CCDC88A: variants seen among roughly 807,000 people sequenced by gnomAD.
The protein encoded by CCDC88A is coiled-coil and HOOK domain protein 88A.
In CCDC88A, 54 loss-of-function variants were observed where a neutral mutation model predicts 234.3. That is an observed-to-expected ratio of 0.23 (90% CI 0.19 to 0.29). The LOEUF (loss-of-function observed/expected upper bound fraction) is 0.29, where lower values mean the gene tolerates loss of function less well. Ranked by LOEUF, CCDC88A falls within the 10% of genes least tolerant of loss-of-function variation. CCDC88A has a pLI of 1.00. For synonymous variants in CCDC88A, 753 were observed against 737.8 expected (o/e 1.02, Z -0.33); for missense variants, 1,832 against 2,123.4 (o/e 0.86, Z 2.70).
At position 55,291,718 on chromosome 2, in the gene CCDC88A, C is replaced by G; in HGVS notation, c.5609G>C (p.Ser1870Thr). The G allele has an allele frequency of 6.2e-7, 1 of 1,608,522 alleles. No individual in the cohort carries two copies. The highest frequency in any genetic ancestry group is 8.5e-7 in the Non-Finnish European group (1 of 1,175,914). ...NSKSRSREQQ[S>T]S ...ATGTAGTGGGTAATAGAATTAGGAGCTTTGTTGCTCCCTAGACCTGCTTTT... is the reference window on the plus strand; with the variant it reads ...ATGTAGTGGGTAATAGAATTAGGAGGTTTGTTGCTCCCTAGACCTGCTTTT... Residue 1870 changes from serine (S) to threonine (T), a missense_variant, in exon 32 of 33, where the codon AGC becomes ACC. This residue lies in a region of CCDC88A where 422 missense variants were observed against 416.5 expected (regional missense o/e 1.01). Transcript: ENST00000436346.
intron 2 of CCDC88A, chr2:55,397,354 C>T (rs1029406879): frequency 1.3e-5 from 2 of 152,108 alleles, no homozygotes; most frequent in Non-Finnish European, 2.9e-5. Context: ...TTTGGCCTCC[C>T]AAAGTGCTGG....
Position 55,332,605 on chromosome 2 carries a change from T to C in CCDC88A, c.2816A>G (p.Lys939Arg). Residue 939 changes from lysine to arginine, a missense_variant, in exon 16 of 33, where the codon AAG becomes AGG. Coordinates refer to ENST00000436346, the MANE Select transcript of CCDC88A (RefSeq NM_001365480.1). This position sits in a 1 kb window ranked among gnomAD's most constrained non-coding sequence, Gnocchi z 4.5. ...THELEKIGLN[K>R]ERLLHDEQST... is the part of the protein sequence containing the mutation. Reference sequence around the variant, plus strand: ...TTGTTCATCATGTAAGAGTCGCTCCTTATTTAACCCTATCTTCTCAAGCTC... The same window carrying C: ...TTGTTCATCATGTAAGAGTCGCTCCCTATTTAACCCTATCTTCTCAAGCTC... 1.2e-6 allele frequency: 2 copies of C among 1,612,960 alleles called. No individual in the cohort carries two copies. The highest frequency in any genetic ancestry group is 1.1e-5 in the South Asian group (1 of 91,070).
In CCDC88A at chr2:55,308,933, T is replaced by C. The variant is rs754936962; in HGVS notation, c.4263A>G (p.Thr1421=). 3.7e-6 allele frequency: 6 copies of C among 1,613,912 alleles called. No individual in the cohort carries two copies. In the African/African-American group the frequency reaches 8.0e-5, roughly 22 times the overall value. The change falls in exon 25 of 33, where the codon ACA becomes ACG. Residue 1421 remains threonine, a synonymous_variant. Transcript: ENST00000436346. The part of the protein sequence containing the change: ...NRERQKSLTL[T]PTRSDSSEGF... ...CTTCACTGGAGTCTGAGCGGGTGGG[T>C]GTTAATGTTAGAGATTTCTGGCGTT...
intron 2 of CCDC88A, among the ~76,000 whole-genome samples, chr2:55,401,795 C>T (rs979931693): frequency 3.3e-5 from 5 of 151,602 alleles, no homozygotes; most frequent in African/African-American, 9.7e-5. Context: ...GTTACCTTTT[C>T]GAAAGTTGGA....
Position 55,315,951 on chromosome 2 carries a change from T to C in CCDC88A, c.3910A>G (p.Thr1304Ala), listed in dbSNP as rs139627756. 2.6e-4 allele frequency: 410 copies of C among 1,564,474 alleles called. 7 individuals carry two copies. In the East Asian group the frequency reaches 8.7e-3, roughly 33 times the overall value. Residue 1304 changes from threonine to alanine, a missense_variant, in exon 22 of 33, where the codon ACC (threonine) becomes GCC (alanine). By Grantham distance (58) the Thr-to-Ala change is moderately conservative (BLOSUM62 0). Coordinates refer to ENST00000436346, the MANE Select transcript of CCDC88A (RefSeq NM_001365480.1). ...EQYQQLDITS[T>A]KLNNQCELLS... ...ACCTCACACTGGTTATTCAGCTTGGTTGATGTAATATCCAATTGTTGGTAT... is the reference window on the plus strand; with the variant it reads ...ACCTCACACTGGTTATTCAGCTTGGCTGATGTAATATCCAATTGTTGGTAT...
Position 55,295,381 on chromosome 2 carries a change from T to C in CCDC88A, c.5551+216A>G. The stretch of plus-strand genomic sequence containing the variant: ...GAATGGGCCACAGTAAATGGTCCTA[T>C]GCTATCTTTTGCCAACATTCCGAAT... On this transcript the variant is annotated intron_variant, in intron 31 of 32. Coordinates refer to ENST00000436346, the MANE Select transcript of CCDC88A (RefSeq NM_001365480.1). 4 of 1,541,788 alleles carry C rather than the reference T, an allele frequency of 2.6e-6. 1 individual carries two copies. Among genetic ancestry groups the C allele is most frequent in the South Asian group, 2.4e-5 (2 of 83,156 alleles).
At chr2:55,369,993 G>A (rs1330557265) in intron 5 of CCDC88A, among the ~76,000 whole-genome samples, 2 of 151,814 alleles carry the variant, frequency 1.3e-5, no homozygotes, top group Non-Finnish European at 2.9e-5. Context: ...AACATTAAAA[G>A]AAAAAAATTA....
intron 2 of CCDC88A, among the ~76,000 whole-genome samples, chr2:55,393,266 G>C (rs545558685): frequency 1.7e-5 from 2 of 119,984 alleles, no homozygotes; most frequent in African/African-American, 6.2e-5. Flanking sequence ...CAGGAATATA[G>C]AGTTTTGATT....
At position 55,301,226 on chromosome 2, in the gene CCDC88A, C is replaced by A; in HGVS notation, c.4724G>T (p.Ser1575Ile). 1 of 1,595,386 alleles carries A rather than the reference C, an allele frequency of 6.3e-7. No homozygotes were observed. Among genetic ancestry groups the A allele is most frequent in the South Asian group, 1.1e-5 (1 of 89,356 alleles). Reference protein sequence around the residue: ...ISPQGVSDDSSTGSRVHASRP... With the variant: ...ISPQGVSDDSITGSRVHASRP... ...CTTACCATGAACTCTTGATCCCGTACTAGAATCATCACTAACACCTTGTGG... is the reference window on the plus strand; with the variant it reads ...CTTACCATGAACTCTTGATCCCGTAATAGAATCATCACTAACACCTTGTGG... Residue 1575 changes from serine (S) to isoleucine (I), a missense_variant, in exon 28 of 33, where the codon AGT becomes ATT. Physicochemically the swap from Ser to Ile is moderately radical, Grantham distance 142. Around this residue, in one of 6 missense-constraint regions of CCDC88A, gnomAD observed 422 missense variants for 416.5 expected, o/e 1.01. Transcript: ENST00000436346.
chr2:55,327,412 C>T (rs772854173), intron 17 of CCDC88A, among the ~76,000 whole-genome samples: 16 of 152,192 alleles, frequency 1.1e-4, no homozygotes, highest in Middle Eastern at 3.2e-3. Context: ...GAGGTAATGA[C>T]TGCTATGAGT....
At chr2:55,366,838 A>G (rs991434440) in intron 5 of CCDC88A, among the ~76,000 whole-genome samples, 1 of 152,210 alleles carries the variant, frequency 6.6e-6, no homozygotes, top group Non-Finnish European at 1.5e-5. Context: ...CAAGAAAATA[A>G]TAAGACAAGG....
At chr2:55,375,493 ATATATATATATATATATATGTATG>A (rs764012335) in intron 3 of CCDC88A, among the ~76,000 whole-genome samples, 56,627 of 108,572 alleles carry the variant, frequency 0.52, 14,109 homozygotes, top group Admixed American at 0.61. Context: ...ATATATATAT[ATATATATATATATATATATGTATG>A]TATGTATAAA....
Position 55,355,595 on chromosome 2 carries a change from T to C in CCDC88A, c.784A>G (p.Arg262Gly). The C allele has an allele frequency of 6.2e-7, 1 of 1,614,076 alleles. No individual in the cohort carries two copies. Among genetic ancestry groups the C allele is most frequent in the Non-Finnish European group, 8.5e-7 (1 of 1,179,928 alleles). ...GCAACTTACAATTCCTGCCTAAGCC[T>C]TCTTATCTTGGCTTTAGCATCTGCC... ...ELADAKAKIR[R>G]LRQELEEKTE... The change falls in exon 8 of 33, where the codon AGG becomes GGG. Residue 262 changes from arginine to glycine, a missense_variant. Physicochemically the swap from Arg to Gly is moderately radical, Grantham distance 125. This residue lies in a region of CCDC88A where 1,282 missense variants were observed against 1,543.6 expected (regional missense o/e 0.83). Transcript: ENST00000436346.
chr2:55,313,535 A>G (rs7603216), intron 22 of CCDC88A: 76,625 of 152,060 alleles, frequency 0.5, 20,358 homozygotes, highest in Admixed American at 0.62. Context: ...GAAACTGGAA[A>G]TATGCCTTAG....
chr2:55,295,314 T>C lies in CCDC88A; in HGVS notation c.5551+283A>G, dbSNP rs757185022. On this transcript the variant is annotated intron_variant, in intron 31 of 32. Transcript: ENST00000436346. ...TGGCCTAGGAGGTAACCCACTTATG[T>C]TACTAACTAATTCTGTATTCAGGGA... The C allele has an allele frequency of 7.7e-5, 113 of 1,463,230 alleles. 3 individuals carry two copies. In the South Asian group the frequency reaches 1.2e-3, roughly 16 times the overall value. 90.6% of individuals were successfully genotyped at this position (1,463,230 alleles called of 1,614,324 possible). A position where few individuals can be genotyped will look rare whatever the true frequency, so the allele number is the denominator to read the frequency against.
intron 17 of CCDC88A, chr2:55,323,490 C>T (rs539577391): frequency 6.6e-6 from 1 of 152,228 alleles, no homozygotes; most frequent in African/African-American, 2.4e-5. Context: ...AATGTAATGT[C>T]AAGTTTCTCA....
intron 3 of CCDC88A, among the ~76,000 whole-genome samples, chr2:55,383,458 A>C (rs1228741204): frequency 6.6e-6 from 1 of 151,866 alleles, no homozygotes; most frequent in Non-Finnish European, 1.5e-5. Context: ...GTCTCTATTA[A>C]AAATACAAAA....
intron 8 of CCDC88A, among the ~76,000 whole-genome samples, chr2:55,352,967 C>A (rs552531223): frequency 5.1e-4 from 78 of 152,216 alleles, no homozygotes; most frequent in African/African-American, 1.8e-3. Flanking sequence ...AGGAGATTTA[C>A]TTCTTTTTAA....
intron 18 of CCDC88A, among the ~76,000 whole-genome samples, chr2:55,320,568 T>C (rs1261862934): frequency 6.6e-6 from 1 of 152,176 alleles, no homozygotes; most frequent in African/African-American, 2.4e-5. Context: ...CAGAACTTTA[T>C]ATGCCAGCTC....
Sources: allele counts gnomAD v4.1 joint callset (sites outside exome capture counted in the v4.1 genomes callset), GRCh38; gene constraint gnomAD v4.1.1; regional missense constraint gnomAD v4.1.1; non-coding constraint Gnocchi (gnomAD v3.1); transcripts MANE v1.5; gene names NCBI Gene and HGNC (gene_info 2026-07-23, HGNC 2026-07-21).